Variants in NAALADL2 observed in about 807,000 individuals in gnomAD.
NAALADL2 encodes the protein N-acetylated alpha-linked acidic dipeptidase like 2, also known as inactive N-acetylated-alpha-linked acidic dipeptidase-like protein 2.
In NAALADL2, 76 loss-of-function variants were observed where a neutral mutation model predicts 87.2. The ratio of observed to expected loss-of-function variants is 0.87; its 90% CI spans 0.72 to 1.05. The LOEUF is 1.05. NAALADL2 is among the 50% of genes least tolerant of loss of function. NAALADL2 has a pLI of 0.00. For missense variants in NAALADL2, 1,089 were observed against 945.8 expected (o/e 1.15, Z -1.99); for synonymous variants, 354 against 331.0 (o/e 1.07, Z -0.75).
chr3:175,636,696 TA>T (rs529189291), intron 11 of NAALADL2, among the ~76,000 whole-genome samples: 1,097 of 82,394 alleles, frequency 0.013, 7 homozygotes, highest in African/African-American at 0.042. Flanking sequence ...AGACTCCATC[TA>T]AAAAAAAAAA....
intron 1 of NAALADL2, among the ~76,000 whole-genome samples, chr3:174,900,333 A>G (rs1007147191): frequency 6.6e-6 from 1 of 152,140 alleles, no homozygotes. Flanking sequence ...GGGGTTAAGT[A>G]TACTTTTAAT....
intron 1 of NAALADL2, among the ~76,000 whole-genome samples, chr3:174,527,017 G>A (rs1019814091): frequency 3.9e-5 from 6 of 152,012 alleles, no homozygotes; most frequent in African/African-American, 1.5e-4. Context: ...ATAACTTAGG[G>A]TCATACTGCA....
At chr3:174,834,988 A>C (rs1291376150) in intron 3 of NAALADL2, among the ~76,000 whole-genome samples, 2 of 151,930 alleles carry the variant, frequency 1.3e-5, no homozygotes, top group African/African-American at 4.8e-5. Flanking sequence ...AAAATATGAA[A>C]TTTTTAAAAA....
chr3:175,212,626 C>T (rs1391128873), intron 2 of NAALADL2, among the ~76,000 whole-genome samples: 1 of 150,746 alleles, frequency 6.6e-6, no homozygotes, highest in East Asian at 1.9e-4. Flanking sequence ...CTCCTTTCCT[C>T]ACTTCATCTT....
intron 2 of NAALADL2, among the ~76,000 whole-genome samples, chr3:174,587,166 T>C (rs184246548): frequency 2.5e-4 from 38 of 152,260 alleles, no homozygotes; most frequent in African/African-American, 8.7e-4. Context: ...CATGAACTTA[T>C]CCTTTTTTAT....
intron 5 of NAALADL2, among the ~76,000 whole-genome samples, chr3:175,433,369 T>C (rs1718103472): frequency 6.6e-6 from 1 of 152,056 alleles, no homozygotes. Flanking sequence ...AAAGAACATT[T>C]TGAGCAATGT....
intron 1 of NAALADL2, among the ~76,000 whole-genome samples, chr3:174,915,030 C>G (rs558423062): frequency 7.2e-5 from 11 of 152,244 alleles, no homozygotes; most frequent in Non-Finnish European, 1.6e-4. Context: ...TACAAAGTCT[C>G]TATTCTGGAC....
intron 11 of NAALADL2, among the ~76,000 whole-genome samples, chr3:175,709,058 C>G (rs1740152125): frequency 1.3e-5 from 2 of 151,964 alleles, no homozygotes. Flanking sequence ...TGGGGTGACT[C>G]TTATCATTCA....
chr3:175,768,501 T>C (rs1231275823), intron 13 of NAALADL2, among the ~76,000 whole-genome samples: 1 of 152,202 alleles, frequency 6.6e-6, no homozygotes, highest in African/African-American at 2.4e-5. Context: ...GGTTAAGGGA[T>C]AGAACCTGTT....
At chr3:174,762,661 T>C (rs1713185786) in intron 3 of NAALADL2, among the ~76,000 whole-genome samples, 1 of 152,072 alleles carries the variant, frequency 6.6e-6, no homozygotes, top group Non-Finnish European at 1.5e-5. Flanking sequence ...TGGTGGGTGA[T>C]GTACTTCAAA....
chr3:174,878,261 G>A (rs1483654785), intron 1 of NAALADL2, among the ~76,000 whole-genome samples: 2 of 152,072 alleles, frequency 1.3e-5, no homozygotes, highest in Non-Finnish European at 1.5e-5. Context: ...GTTATTGATT[G>A]TCAAATTGAG....
chr3:174,776,910 G>GAGA (rs1715282061), intron 3 of NAALADL2, among the ~76,000 whole-genome samples: 1 of 152,098 alleles, frequency 6.6e-6, no homozygotes, highest in South Asian at 2.1e-4. Flanking sequence ...TGTGACCATA[G>GAGA]AGAAAGCCTT....
At chr3:175,730,460 A>G (rs1354284687) in intron 11 of NAALADL2, among the ~76,000 whole-genome samples, 1 of 138,362 alleles carries the variant, frequency 7.2e-6, no homozygotes, top group Non-Finnish European at 1.6e-5. Context: ...ATACACACGC[A>G]CACACACACG....
intron 3 of NAALADL2, among the ~76,000 whole-genome samples, chr3:174,808,585 T>G (rs938381224): frequency 6.6e-6 from 1 of 152,180 alleles, no homozygotes; most frequent in Non-Finnish European, 1.5e-5. Context: ...ATAAACTGTT[T>G]GAACATGCTG....
chr3:175,416,584 A>G (rs1714679795), intron 5 of NAALADL2, among the ~76,000 whole-genome samples: 1 of 152,158 alleles, frequency 6.6e-6, no homozygotes, highest in Non-Finnish European at 1.5e-5. Flanking sequence ...TAAGTAGAAA[A>G]AAGGCCTTTT....
chr3:175,604,247 A>G (rs754299209), intron 10 of NAALADL2, among the ~76,000 whole-genome samples: 3 of 151,760 alleles, frequency 2.0e-5, no homozygotes, highest in Non-Finnish European at 4.4e-5. Context: ...GCATCGTAAT[A>G]AGTGTGAGGT....
At chr3:175,359,320 C>T (rs1286032064) in intron 5 of NAALADL2, among the ~76,000 whole-genome samples, 1 of 151,966 alleles carries the variant, frequency 6.6e-6, no homozygotes, top group African/African-American at 2.4e-5. Context: ...AGGACAAATA[C>T]CACTTGAATT....
intron 9 of NAALADL2, among the ~76,000 whole-genome samples, chr3:175,504,378 T>C (rs1411239688): frequency 2.6e-5 from 4 of 152,192 alleles, no homozygotes; most frequent in Non-Finnish European, 5.9e-5. Flanking sequence ...TGCCATGGAC[T>C]GAAATGTATT....
intron 1 of NAALADL2, among the ~76,000 whole-genome samples, chr3:174,885,890 T>G (rs905464138): frequency 5.1e-4 from 11 of 21,382 alleles, no homozygotes; most frequent in African/African-American, 2.3e-3. Flanking sequence ...TTTTTTTTTT[T>G]TTTTTTTTTT....
Sources: allele counts gnomAD v4.1 joint callset (sites outside exome capture counted in the v4.1 genomes callset), GRCh38; gene constraint gnomAD v4.1.1; transcripts MANE v1.5; gene names NCBI Gene and HGNC (gene_info 2026-07-23, HGNC 2026-07-21).